Variants in OSTM1 observed in about 807,000 individuals in gnomAD.
OSTM1 encodes osteopetrosis-associated transmembrane protein 1.
Under a neutral mutation model 35.4 loss-of-function variants are expected in OSTM1, and 26 were observed. That is an observed-to-expected ratio of 0.73 (90% CI 0.54 to 1.02). The LOEUF (loss-of-function observed/expected upper bound fraction) is 1.02. Among genes scored for constraint, OSTM1 ranks in the 50% least tolerant of loss-of-function variants. The pLI is 0.00. For synonymous variants in OSTM1, 181 were observed against 165.0 expected (o/e 1.10, Z -0.75); for missense variants, 366 against 409.6 (o/e 0.89, Z 0.92).
Position 108,074,727 on chromosome 6 carries a change from C to G in OSTM1, c.-76G>C. ...CCGGCACCGCGGACAGCCGCCGCTT[C>G]CGGTTTCCGCGAGCGCAGGCCGAGA... On this transcript the variant is annotated 5_prime_UTR_variant, in exon 1 of 6. Transcript: ENST00000193322. The G allele has an allele frequency of 7.1e-7, 1 of 1,406,824 alleles. No homozygotes were observed. Among genetic ancestry groups the G allele is most frequent in the South Asian group, 1.5e-5 (1 of 67,720 alleles). The allele number at this position is 1,406,824 out of a possible 1,614,324, so 87.1% of individuals were successfully genotyped here. A position where few individuals can be genotyped will look rare whatever the true frequency, so the allele number is the denominator to read the frequency against.
chr6:108,066,228 G>T lies in OSTM1; in HGVS notation c.403-1929C>A, dbSNP rs528741384. Among the ~76,000 whole-genome samples, 12 of 152,226 alleles carry T rather than the reference G, an allele frequency of 7.9e-5. No homozygotes were observed. The East Asian group carries it at 1.9e-3, about 25-fold the overall frequency. On this transcript the variant is annotated intron_variant, in intron 1 of 5. Transcript: ENST00000193322. ...TACATCTTTAGGCCGTGATATGTAGGGTGAGGAGGCAGGGAGACTCATTAC... is the reference window on the plus strand; with the variant it reads ...TACATCTTTAGGCCGTGATATGTAGTGTGAGGAGGCAGGGAGACTCATTAC...
In OSTM1 at chr6:108,044,093, G is replaced by A. The variant is rs1771923237; in HGVS notation, c.*692C>T. On this transcript the variant is annotated 3_prime_UTR_variant, in exon 6 of 6. Transcript: ENST00000193322. ...GCCCTGAATATAATAAAGCAATCCA[G>A]TGATTTTTAAATTACTTATGAAATA... 6.6e-6 allele frequency: 1 copy of A among 152,490 alleles called. No homozygotes were observed. 9.4% of individuals were successfully genotyped at this position (152,490 alleles called of 1,614,324 possible).
intron 1 of OSTM1, among the ~76,000 whole-genome samples, chr6:108,066,112 G>C (rs1227219257): frequency 1.3e-5 from 2 of 152,146 alleles, no homozygotes; most frequent in Non-Finnish European, 2.9e-5. Flanking sequence ...TTAGAACAAG[G>C]TTATGAGAGG....
rs750495431 is a variant in OSTM1, at chr6:108,046,168, ATTTTT to A, written c.950-1333_950-1329del. ...AGGTGCCCACCACCACGCCCAGCTA[ATTTTT>A]TTTTTTTTTTTTTTTTTTTGGTATT... On this transcript the variant is annotated intron_variant, in intron 5 of 5. Transcript: ENST00000193322. Among the ~76,000 whole-genome samples the A allele has an allele frequency of 1.3e-4, 12 of 93,456 alleles. 1 individual carries two copies. In the East Asian group the frequency reaches 1.3e-3, roughly 11 times the overall value. 61.3% of individuals were successfully genotyped at this position (93,456 alleles called of 152,430 possible). A position where few individuals can be genotyped will look rare whatever the true frequency, so the allele number is the denominator to read the frequency against.
intron 4 of OSTM1, 69 bp downstream of exon 4, chr6:108,050,962 A>G: frequency 7.7e-7 from 1 of 1,291,226 alleles, no homozygotes. Flanking sequence ...CACCAAAAAT[A>G]ATAATCATAC....
rs559354434 is a variant in OSTM1 at position 108,062,830 on chromosome 6, T to TAACC, written c.517+1351_517+1354dup. ...GGTGTGAGCCACCATGCCTGGTCTA[T>TAACC]AACCCCTTCTTAATAATATGCTGAT... On this transcript the variant is annotated intron_variant, in intron 2 of 5. Transcript: ENST00000193322. Among the ~76,000 whole-genome samples the TAACC allele has an allele frequency of 1.2e-3, 187 of 152,196 alleles. 1 individual carries two copies. The highest frequency in any genetic ancestry group is 4.4e-3 in the African/African-American group (182 of 41,538).
Position 108,054,489 on chromosome 6 carries a change from C to A in OSTM1, c.615+1G>T. On this transcript the variant is annotated splice_donor_variant, in intron 3 of 5. Coordinates refer to ENST00000193322, the MANE Select transcript of OSTM1 (RefSeq NM_014028.4). LOFTEE classifies it high-confidence loss of function. Reference sequence around the variant, plus strand: ...AATTTTAAATATTATATATAAAATACCTGAAGGTTATGTTCAAAGCAGGTC... The same window carrying A: ...AATTTTAAATATTATATATAAAATAACTGAAGGTTATGTTCAAAGCAGGTC... 1 of 1,359,968 alleles carries A rather than the reference C, an allele frequency of 7.4e-7. No individual in the cohort carries two copies. Among genetic ancestry groups the A allele is most frequent in the Non-Finnish European group, 1.0e-6 (1 of 955,472 alleles). 84.2% of individuals were successfully genotyped at this position (1,359,968 alleles called of 1,614,324 possible).
At chr6:108,067,380 C>T (rs1463691192) in intron 1 of OSTM1, among the ~76,000 whole-genome samples, 1 of 152,196 alleles carries the variant, frequency 6.6e-6, no homozygotes, top group Non-Finnish European at 1.5e-5. Flanking sequence ...TTTCTGGAAA[C>T]TGACCTTGTC....
Position 108,068,755 on chromosome 6 carries a change from A to C in OSTM1, c.403-4456T>G, listed in dbSNP as rs898430417. On this transcript the variant is annotated intron_variant, in intron 1 of 5. Coordinates refer to ENST00000193322, the MANE Select transcript of OSTM1 (RefSeq NM_014028.4). Reference sequence around the variant, plus strand: ...CTCCATTTTCTGTCACATAGCCAGCATAGCCTTTTAAAGTACAAATCTGAT... The same window carrying C: ...CTCCATTTTCTGTCACATAGCCAGCCTAGCCTTTTAAAGTACAAATCTGAT... 2.6e-5 allele frequency among the ~76,000 whole-genome samples: 4 copies of C among 151,780 alleles called. 1 individual carries two copies. The highest frequency in any genetic ancestry group is 5.9e-5 in the Non-Finnish European group (4 of 67,980).
At chr6:108,070,059 A>C (rs1772453998) in intron 1 of OSTM1, among the ~76,000 whole-genome samples, 1 of 151,052 alleles carries the variant, frequency 6.6e-6, no homozygotes, top group South Asian at 2.1e-4. Context: ...TTTTTTTGAG[A>C]TGGAGTCTTG....
intron 1 of OSTM1, among the ~76,000 whole-genome samples, chr6:108,072,626 G>A (rs1213489519): frequency 1.4e-5 from 2 of 139,048 alleles, no homozygotes; most frequent in Non-Finnish European, 3.0e-5. Flanking sequence ...AACAGAGCAA[G>A]ACCTTGTCTC....
chr6:108,046,396 C>T (rs1315081426), intron 5 of OSTM1, among the ~76,000 whole-genome samples: 1 of 148,198 alleles, frequency 6.7e-6, no homozygotes, highest in African/African-American at 2.5e-5. Flanking sequence ...GGCTGGAGTG[C>T]AGTGGCGCGA....
rs960724464 is a variant in OSTM1, at chr6:108,043,961, C to G, written c.*824G>C. ...CCTTTAAAAAATGACAATTTAAATA[C>G]AGTGTGATAATGCTACATTTGATTT... On this transcript the variant is annotated 3_prime_UTR_variant, in exon 6 of 6. Coordinates refer to ENST00000193322, the MANE Select transcript of OSTM1 (RefSeq NM_014028.4). The G allele has an allele frequency of 6.6e-6, 1 of 152,474 alleles. No homozygotes were observed. The highest frequency in any genetic ancestry group is 1.5e-5 in the Non-Finnish European group (1 of 68,014). 9.4% of individuals were successfully genotyped at this position (152,474 alleles called of 1,614,324 possible).
chr6:108,051,454 T>A (rs1297607056), intron 3 of OSTM1, among the ~76,000 whole-genome samples: 1 of 152,202 alleles, frequency 6.6e-6, no homozygotes, highest in African/African-American at 2.4e-5. Context: ...TGTTTGGAAC[T>A]TTCTAGGTGC....
intron 2 of OSTM1, among the ~76,000 whole-genome samples, chr6:108,055,097 T>G (rs538535479): frequency 6.6e-6 from 1 of 152,198 alleles, no homozygotes; most frequent in Middle Eastern, 3.2e-3. Flanking sequence ...AGAAACAAAC[T>G]GGTGAGAATT....
chr6:108,071,460 ATTTTTTTTTTTTT>A (rs545759140), intron 1 of OSTM1, among the ~76,000 whole-genome samples: 5 of 103,420 alleles, frequency 4.8e-5, no homozygotes, highest in African/African-American at 2.1e-4. Flanking sequence ...CACCCGGCTA[ATTTTTTTTTTTTT>A]TTTTTTTTTT....
At chr6:108,055,292 C>T (rs967680330) in intron 2 of OSTM1, among the ~76,000 whole-genome samples, 1 of 151,990 alleles carries the variant, frequency 6.6e-6, no homozygotes, top group African/African-American at 2.4e-5. Flanking sequence ...TATCCATTTT[C>T]CCTTCTTCAG....
intron 4 of OSTM1, among the ~76,000 whole-genome samples, 185 bp downstream of exon 4, chr6:108,050,846 T>C (rs1772063559): frequency 6.6e-6 from 1 of 152,202 alleles, no homozygotes; most frequent in South Asian, 2.1e-4. Flanking sequence ...ATGAGACTAC[T>C]AAGGAAATAT....
chr6:108,042,180 C>G lies in OSTM1; in HGVS notation c.*2605G>C. ...AGGTGTGGTGCTTATGCTTGTAATC[C>G]CAGCACTTTGGGAGGCTAAGGCAGG... On this transcript the variant is annotated 3_prime_UTR_variant, in exon 6 of 6. Coordinates refer to ENST00000193322, the MANE Select transcript of OSTM1 (RefSeq NM_014028.4). 6.7e-6 allele frequency: 1 copy of G among 148,750 alleles called. No homozygotes were observed. Among genetic ancestry groups the G allele is most frequent in the East Asian group, 2.0e-4 (1 of 5,092 alleles). The allele number at this position is 148,750 out of a possible 1,614,324, so 9.2% of individuals were successfully genotyped here. A position where few individuals can be genotyped will look rare whatever the true frequency, so the allele number is the denominator to read the frequency against.
Sources: allele counts gnomAD v4.1 joint callset (sites outside exome capture counted in the v4.1 genomes callset), GRCh38; gene constraint gnomAD v4.1.1; transcripts MANE v1.5; gene names NCBI Gene and HGNC (gene_info 2026-07-23, HGNC 2026-07-21).